ARHGAP10: variants seen among roughly 807,000 people sequenced by gnomAD.
ARHGAP10 encodes the protein Rho GTPase activating protein 10, also known as rho GTPase-activating protein 10.
Under a neutral mutation model 108.6 loss-of-function variants are expected in ARHGAP10, and 87 were observed. The observed-to-expected ratio is 0.80, with a 90% CI of 0.67 to 0.96. ARHGAP10 has a LOEUF of 0.96. Among genes scored for constraint, ARHGAP10 ranks in the 40% least tolerant of loss-of-function variants. ARHGAP10 has a pLI of 0.00. For missense variants in ARHGAP10, 939 were observed against 954.5 expected (o/e 0.98, Z 0.21); for synonymous variants, 347 against 341.1 (o/e 1.02, Z -0.19).
At chr4:147,830,322 CG>C (rs1262718856) in intron 3 of ARHGAP10, among the ~76,000 whole-genome samples, 1 of 152,028 alleles carries the variant, frequency 6.6e-6, no homozygotes, top group Non-Finnish European at 1.5e-5. Context: ...ACAGGCAAGA[CG>C]TGATGCCTGC....
chr4:147,947,272 T>C (rs1738423925), intron 15 of ARHGAP10, among the ~76,000 whole-genome samples: 1 of 148,370 alleles, frequency 6.7e-6, no homozygotes, highest in African/African-American at 2.5e-5. Flanking sequence ...AATGATAAGC[T>C]CAGGGTTAGA....
chr4:147,895,819 C>G (rs1195288606), intron 10 of ARHGAP10, among the ~76,000 whole-genome samples: 2 of 152,164 alleles, frequency 1.3e-5, no homozygotes, highest in African/African-American at 4.8e-5. Flanking sequence ...GCCATCTTGC[C>G]TTGTTCCTGA....
At chr4:147,870,562 CTTTT>C (rs34085253) in intron 7 of ARHGAP10, among the ~76,000 whole-genome samples, 10 of 139,790 alleles carry the variant, frequency 7.2e-5, no homozygotes, top group African/African-American at 1.8e-4. Flanking sequence ...AGTGGCTAGA[CTTTT>C]TTTTTTTTTT....
intron 13 of ARHGAP10, among the ~76,000 whole-genome samples, chr4:147,919,957 T>G (rs558785695): frequency 2.6e-5 from 4 of 152,184 alleles, no homozygotes; most frequent in South Asian, 2.1e-4. Context: ...GGAAGTAGGA[T>G]TCTTTAAATT....
chr4:148,007,911 TC>T (rs1332777302), intron 18 of ARHGAP10, among the ~76,000 whole-genome samples: 1 of 152,190 alleles, frequency 6.6e-6, no homozygotes, highest in Non-Finnish European at 1.5e-5. Context: ...CGGAGACACT[TC>T]CGTTTCTCAG....
At chr4:147,898,499 G>A (rs183223838) in intron 10 of ARHGAP10, among the ~76,000 whole-genome samples, 1 of 150,954 alleles carries the variant, frequency 6.6e-6, no homozygotes, top group East Asian at 1.9e-4. Flanking sequence ...TGAGGTTCTT[G>A]GATGTGTAGG....
Position 148,020,539 on chromosome 4 carries a change from G to GTTT in ARHGAP10, c.1717-2720_1717-2718dup, listed in dbSNP as rs151004924. ...CTCCTACTTATAAGTGAGAACATGC[G>GTTT]TTTTTTGTTTTTTTTTTTATTCCTG... On this transcript the variant is annotated intron_variant, in intron 18 of 22. Coordinates refer to ENST00000336498, the MANE Select transcript of ARHGAP10 (RefSeq NM_024605.4). 6.2e-3 allele frequency among the ~76,000 whole-genome samples: 914 copies of GTTT among 146,308 alleles called. 21 individuals are homozygous for GTTT. The highest frequency in any genetic ancestry group is 0.022 in the African/African-American group (854 of 38,904).
At position 148,072,098 on chromosome 4, in the gene ARHGAP10, C is replaced by A. The variant is rs199526928; in HGVS notation, c.*17C>A. 1.2e-5 allele frequency: 19 copies of A among 1,603,900 alleles called. No homozygotes were observed. The highest frequency in any genetic ancestry group is 2.0e-4 in the Middle Eastern group (1 of 5,112). ...CTGCTGTAGCTCCTGGCCTCAGAGC[C>A]CCTGCTGACCCTGGCACCCAGGGAC... is the stretch of plus-strand genomic sequence containing the variant. On this transcript the variant is annotated 3_prime_UTR_variant, in exon 23 of 23. Transcript: ENST00000336498.
chr4:147,902,600 G>T (rs1226513384), intron 10 of ARHGAP10, among the ~76,000 whole-genome samples: 1 of 152,076 alleles, frequency 6.6e-6, no homozygotes, highest in Non-Finnish European at 1.5e-5. Flanking sequence ...AATTAGCTGG[G>T]TGTAGTGGCT....
chr4:147,781,228 C>G (rs762802630), intron 1 of ARHGAP10, among the ~76,000 whole-genome samples: 1 of 152,094 alleles, frequency 6.6e-6, no homozygotes, highest in Non-Finnish European at 1.5e-5. Context: ...CCTGTAGTCC[C>G]AGCTACTCAA....
intron 18 of ARHGAP10, among the ~76,000 whole-genome samples, chr4:148,018,380 A>G (rs2149660137): frequency 6.6e-6 from 1 of 152,266 alleles, no homozygotes; most frequent in Non-Finnish European, 1.5e-5. Flanking sequence ...TGTATATATT[A>G]TATACACATC....
intron 13 of ARHGAP10, among the ~76,000 whole-genome samples, chr4:147,917,576 T>G (rs1658325250): frequency 1.3e-5 from 2 of 152,198 alleles, no homozygotes; most frequent in Admixed American, 1.3e-4. Context: ...AGTTTTTTTC[T>G]GAAGCCATAG....
intron 19 of ARHGAP10, among the ~76,000 whole-genome samples, chr4:148,040,271 C>T (rs565781141): frequency 5.1e-4 from 78 of 152,284 alleles, no homozygotes; most frequent in African/African-American, 1.8e-3. Context: ...ACATGAAGAG[C>T]CTGGCTGTAG....
At chr4:147,756,620 A>T (rs902960734) in intron 1 of ARHGAP10, among the ~76,000 whole-genome samples, 2 of 152,182 alleles carry the variant, frequency 1.3e-5, no homozygotes, top group South Asian at 4.1e-4. Flanking sequence ...CCCACCTGGG[A>T]TGTGAATCAT....
chr4:147,742,438 G>T (rs1487178502), intron 1 of ARHGAP10, among the ~76,000 whole-genome samples: 2 of 146,824 alleles, frequency 1.4e-5, no homozygotes, highest in East Asian at 4.0e-4. Context: ...CACAGTTGTG[G>T]CTTTACCCAT....
intron 3 of ARHGAP10, among the ~76,000 whole-genome samples, chr4:147,842,837 C>T (rs973296915): frequency 6.6e-6 from 1 of 152,196 alleles, no homozygotes; most frequent in Non-Finnish European, 1.5e-5. Flanking sequence ...CAGCCACCCA[C>T]CTTTTCCCTT....
At chr4:147,977,718 C>A (rs1001810468) in intron 18 of ARHGAP10, among the ~76,000 whole-genome samples, 3 of 151,858 alleles carry the variant, frequency 2.0e-5, no homozygotes, top group Non-Finnish European at 4.4e-5. Context: ...GGATATATTA[C>A]ATGGTGTTGA....
intron 19 of ARHGAP10, among the ~76,000 whole-genome samples, chr4:148,036,066 C>CTGTCTG (rs1728364103): frequency 7.0e-6 from 1 of 142,762 alleles, no homozygotes; most frequent in Non-Finnish European, 1.5e-5. Flanking sequence ...GGAGCTGCCT[C>CTGTCTG]TGTGTGTGTG....
Position 147,946,678 on chromosome 4 carries a change from A to G in ARHGAP10, c.1365A>G (p.Ile455Met). Residue 455 changes from isoleucine (I) to methionine (M), a missense_variant, in exon 15 of 23, where the codon ATA becomes ATG. Coordinates refer to ENST00000336498, the MANE Select transcript of ARHGAP10 (RefSeq NM_024605.4). ...CTGCAGATTGGGAAGTGAAGACAATAACAAGTGCCTTGAAACAGTATTTGA... is the reference window on the plus strand; with the variant it reads ...CTGCAGATTGGGAAGTGAAGACAATGACAAGTGCCTTGAAACAGTATTTGA... ...ENSADWEVKT[I>M]TSALKQYLRS... The G allele has an allele frequency of 6.2e-7, 1 of 1,612,122 alleles. No homozygotes were observed.
Sources: gnomAD v4.1 joint callset for allele counts (sites outside exome capture counted in the v4.1 genomes callset) on GRCh38, gnomAD v4.1.1 for gene constraint, MANE v1.5 for transcripts, NCBI Gene and HGNC (gene_info 2026-07-23, HGNC 2026-07-21) for gene names.